Variants in GNB1 observed in about 807,000 individuals in gnomAD.
GNB1 encodes guanine nucleotide-binding protein G(I)/G(S)/G(T) subunit beta-1.
GNB1 carries 2 observed loss-of-function variants against 42.9 expected under a neutral mutation model. The ratio of observed to expected loss-of-function variants is 0.05; its 90% CI spans 0.02 to 0.15. GNB1 has a LOEUF of 0.15. Ranked by LOEUF, GNB1 falls within the 10% of genes least tolerant of loss-of-function variation. The pLI is 1.00. For missense variants in GNB1, 193 were observed against 462.2 expected, an observed-to-expected ratio of 0.42 and a Z score of 5.34; for synonymous variants, 183 against 174.7, an observed-to-expected ratio of 1.05 and a Z score of -0.38.
intron 1 of GNB1, among the ~76,000 whole-genome samples, chr1:1,878,511 T>G (rs541089220): frequency 1.3e-5 from 2 of 152,136 alleles, no homozygotes; most frequent in Admixed American, 1.3e-4. Context: ...CTCCTCCTAC[T>G]CTCTCCTCAA....
chr1:1,887,666 C>T (rs1045048154), intron 1 of GNB1, among the ~76,000 whole-genome samples: 3 of 152,222 alleles, frequency 2.0e-5, no homozygotes, highest in African/African-American at 7.2e-5. Flanking sequence ...CTCACTCTGT[C>T]GCCCAGTGGC....
At chr1:1,803,910 A>C (rs866728971) in intron 7 of GNB1, among the ~76,000 whole-genome samples, 1 of 145,812 alleles carries the variant, frequency 6.9e-6, no homozygotes, top group African/African-American at 2.6e-5. Context: ...TGAACCCAGG[A>C]ATCAGAGGTT....
At chr1:1,818,012 C>G in intron 3 of GNB1, 137 bp from the exon 4 acceptor site, 1 of 663,474 alleles carries the variant, frequency 1.5e-6, no homozygotes, top group Admixed American at 2.1e-5. Flanking sequence ...GGCAGAGTCT[C>G]CTTGCATCTC....
rs555515999 is a variant in GNB1 at position 1,815,741 on chromosome 1, C to G, written c.203+15G>C. ...TGAATGTAACAAGCAGCATCCTGCT[C>G]ATGCCCACGCCTACCTGGAGTCTGT... On this transcript the variant is annotated intron_variant, in intron 5 of 11. Coordinates refer to ENST00000378609, the MANE Select transcript of GNB1 (RefSeq NM_002074.5). The G allele has an allele frequency of 7.2e-7, 1 of 1,386,838 alleles. No individual in the cohort carries two copies. The highest frequency in any genetic ancestry group is 1.2e-5 in the South Asian group (1 of 86,312). The allele number at this position is 1,386,838 out of a possible 1,614,324, so 85.9% of individuals were successfully genotyped here.
rs150952263 is a variant in GNB1, at chr1:1,844,141, G to A, written c.-95-4903C>T. ...CCTCGGGAGGCAGAGCTTGCAGTGA[G>A]CTGAGATTGCGTCACTGCACTCCAG... On this transcript the variant is annotated intron_variant, in intron 1 of 11. Coordinates refer to ENST00000378609, the MANE Select transcript of GNB1 (RefSeq NM_002074.5). Among the ~76,000 whole-genome samples the A allele has an allele frequency of 7.2e-5, 11 of 152,014 alleles. No homozygotes were observed. The East Asian group carries it at 1.9e-3, about 27-fold the overall frequency.
chr1:1,827,105 A>G (rs760720912), intron 2 of GNB1, among the ~76,000 whole-genome samples: 28 of 152,366 alleles, frequency 1.8e-4, no homozygotes, highest in Non-Finnish European at 2.6e-4. Flanking sequence ...TCTAACTGAT[A>G]GCAGTTATTT....
At chr1:1,793,071 A>T (rs931360752) in intron 8 of GNB1, among the ~76,000 whole-genome samples, 174 bp downstream of exon 8, 2 of 152,128 alleles carry the variant, frequency 1.3e-5, no homozygotes, top group Non-Finnish European at 2.9e-5. Flanking sequence ...TCTCAAAAAA[A>T]AAAAAAGTAT....
At chr1:1,875,208 T>TC (rs1315070729) in intron 1 of GNB1, among the ~76,000 whole-genome samples, 57 of 151,110 alleles carry the variant, frequency 3.8e-4, no homozygotes, top group East Asian at 5.8e-4. Context: ...TTTTTTTTTT[T>TC]GGAGACAAAG....
chr1:1,883,947 C>CTAATTATAAAG (rs1649999484), intron 1 of GNB1, among the ~76,000 whole-genome samples: 1 of 150,252 alleles, frequency 6.7e-6, no homozygotes, highest in South Asian at 2.1e-4. Flanking sequence ...ACATGCTCAT[C>CTAATTATAAAG]TAATTATAAA....
At chr1:1,847,157 A>C (rs930271646) in intron 1 of GNB1, among the ~76,000 whole-genome samples, 6 of 152,158 alleles carry the variant, frequency 3.9e-5, no homozygotes, top group Non-Finnish European at 8.8e-5. Flanking sequence ...GGAGAGGCCA[A>C]CTCTACTGCT....
At chr1:1,831,444 G>A (rs937907057) in intron 2 of GNB1, among the ~76,000 whole-genome samples, 4 of 152,036 alleles carry the variant, frequency 2.6e-5, no homozygotes, top group Non-Finnish European at 5.9e-5. Flanking sequence ...ATATAAATTT[G>A]CATATAGTTA....
intron 4 of GNB1, 72 bp downstream of exon 4, chr1:1,817,765 A>C (rs1646876378): frequency 9.4e-7 from 1 of 1,058,406 alleles, no homozygotes; most frequent in Admixed American, 1.8e-5. Flanking sequence ...AGCCCTCCCG[A>C]GGCTCCAGGT....
At chr1:1,845,356 G>A (rs1174931618) in intron 1 of GNB1, among the ~76,000 whole-genome samples, 1 of 152,198 alleles carries the variant, frequency 6.6e-6, no homozygotes, top group East Asian at 1.9e-4. Flanking sequence ...GGCGGATCAC[G>A]AGGTCAGGAG....
At chr1:1,819,705 A>AT (rs34199353) in intron 3 of GNB1, among the ~76,000 whole-genome samples, 33 of 131,006 alleles carry the variant, frequency 2.5e-4, no homozygotes, top group African/African-American at 5.6e-4. Context: ...TGCCCGGCTA[A>AT]TTTTTTTTTT....
intron 1 of GNB1, among the ~76,000 whole-genome samples, chr1:1,864,443 T>C (rs928292464): frequency 6.6e-6 from 1 of 151,136 alleles, no homozygotes; most frequent in Non-Finnish European, 1.5e-5. Flanking sequence ...ACACAGTAGG[T>C]AGTTAAAACG....
At chr1:1,883,278 CAAAA>C (rs70937202) in intron 1 of GNB1, among the ~76,000 whole-genome samples, 10 of 75,414 alleles carry the variant, frequency 1.3e-4, no homozygotes, top group East Asian at 3.4e-4. Context: ...AACCCTGTCC[CAAAA>C]AAAAAAAAAA....
At chr1:1,868,910 C>T (rs892518137) in intron 1 of GNB1, among the ~76,000 whole-genome samples, 6 of 151,818 alleles carry the variant, frequency 4.0e-5, no homozygotes, top group Admixed American at 3.9e-4. Context: ...TACAGCCAGG[C>T]GTGGTGACTC....
intron 1 of GNB1, among the ~76,000 whole-genome samples, chr1:1,875,033 A>G (rs1649465002): frequency 6.6e-6 from 1 of 152,128 alleles, no homozygotes; most frequent in South Asian, 2.1e-4. Flanking sequence ...GACGGGGTTC[A>G]CGCTCCTATG....
intron 7 of GNB1, among the ~76,000 whole-genome samples, chr1:1,802,368 CAAT>C (rs1646637099): frequency 1.3e-5 from 2 of 152,046 alleles, no homozygotes; most frequent in Admixed American, 6.6e-5. Context: ...TAGAAATCAA[CAAT>C]AACTAAGAAA....
Sources: gnomAD v4.1 joint callset for allele counts (sites outside exome capture counted in the v4.1 genomes callset) on GRCh38, gnomAD v4.1.1 for gene constraint, MANE v1.5 for transcripts, NCBI Gene and HGNC (gene_info 2026-07-23, HGNC 2026-07-21) for gene names.